SIN3B: variants seen among roughly 807,000 people sequenced by gnomAD.
SIN3B encodes the protein paired amphipathic helix protein Sin3b.
SIN3B carries 19 observed loss-of-function variants against 120.2 expected under a neutral mutation model. The observed-to-expected ratio is 0.16, with a 90% CI of 0.11 to 0.23. SIN3B has a LOEUF of 0.23. Among genes scored for constraint, SIN3B ranks in the 10% least tolerant of loss-of-function variants. The pLI is 1.00. For synonymous variants in SIN3B, 654 were observed against 653.2 expected (o/e 1.00, Z -0.02); for missense variants, 1,073 against 1,573.0 (o/e 0.68, Z 5.38).
chr19:16,833,631 C>CAA (rs762032276), intron 3 of SIN3B, among the ~76,000 whole-genome samples: 2 of 130,830 alleles, frequency 1.5e-5, no homozygotes, highest in Non-Finnish European at 1.6e-5. Context: ...GACTCCGTCT[C>CAA]AAAAAAAAAA....
At chr19:16,866,757 T>C (rs1971780138) in intron 12 of SIN3B, among the ~76,000 whole-genome samples, 1 of 152,156 alleles carries the variant, frequency 6.6e-6, no homozygotes, top group Admixed American at 6.5e-5. Context: ...TGCCATTGTC[T>C]ATCTGTTTGT....
In SIN3B at chr19:16,857,865, C is replaced by T. The variant is rs186081868; in HGVS notation, c.1058+3604C>T. 3.3e-4 allele frequency among the ~76,000 whole-genome samples: 50 copies of T among 152,130 alleles called. 1 individual carries two copies. The highest frequency in any genetic ancestry group is 6.8e-3 in the Middle Eastern group (2 of 294). On this transcript the variant is annotated intron_variant, in intron 8 of 18. Coordinates refer to ENST00000248054, the MANE Select transcript of SIN3B (RefSeq NM_001297595.2). The stretch of plus-strand genomic sequence containing the variant: ...TGCTTTGCTTTGCTTCTTTTCTCTT[C>T]TCTTTTCTTTTCTTTTCTTTTCTTT...
At chr19:16,871,628 A>C in intron 14 of SIN3B, 1 of 494,676 alleles carries the variant, frequency 2.0e-6, no homozygotes, top group Non-Finnish European at 3.6e-6. Context: ...CTAGTTCCAG[A>C]ACATTTCATC....
intron 4 of SIN3B, among the ~76,000 whole-genome samples, chr19:16,844,648 G>T (rs113997313): frequency 6.6e-6 from 1 of 152,332 alleles, no homozygotes; most frequent in African/African-American, 2.4e-5. Context: ...ATGGGAAACA[G>T]ACTCAGGGTA....
At chr19:16,875,668 TTGGTCTGGTC>T (rs200505405) in intron 14 of SIN3B, among the ~76,000 whole-genome samples, 5 of 146,872 alleles carry the variant, frequency 3.4e-5, no homozygotes, top group South Asian at 2.3e-4. Context: ...TCTGGTCTGT[TTGGTCTGGTC>T]TGGTCTGGTC....
rs66778532 is a variant in SIN3B at position 16,857,553 on chromosome 19, G to GTGTA, written c.1058+3293_1058+3294insGTAT. ...TGTGTGTGTGTGTGTGTGTGTGTGT[G>GTGTA]TATATATACACATAAACATTTTTCT... On this transcript the variant is annotated intron_variant, in intron 8 of 18. Transcript: ENST00000248054. Among the ~76,000 whole-genome samples, 1,384 of 139,508 alleles carry GTGTA rather than the reference G, an allele frequency of 9.9e-3. 10 individuals are homozygous for GTGTA. The highest frequency in any genetic ancestry group is 0.018 in the Middle Eastern group (5 of 276). The allele number at this position is 139,508 out of a possible 152,430, so 91.5% of individuals were successfully genotyped here.
chr19:16,869,852 C>T lies in SIN3B; in HGVS notation c.2199C>T (p.His733=). Reference sequence around the variant, plus strand: ...CACCCCTGCCGCCCCCAGCCCCGCACAAGCCCCTGGACGATGTCTACAGCC... The same window carrying T: ...CACCCCTGCCGCCCCCAGCCCCGCATAAGCCCCTGGACGATGTCTACAGCC... The part of the protein sequence containing the change: ...EQPPLPPPAP[H]KPLDDVYSLF... Residue 733 remains histidine, a synonymous_variant, in exon 13 of 19, where the codon CAC becomes CAT. Coordinates refer to ENST00000248054, the MANE Select transcript of SIN3B (RefSeq NM_001297595.2). 1 of 1,614,186 alleles carries T rather than the reference C, an allele frequency of 6.2e-7. No individual in the cohort carries two copies. Among genetic ancestry groups the T allele is most frequent in the Non-Finnish European group, 8.5e-7 (1 of 1,180,026 alleles).
At chr19:16,848,933 C>T (rs1453659700) in intron 5 of SIN3B, among the ~76,000 whole-genome samples, 1 of 152,214 alleles carries the variant, frequency 6.6e-6, no homozygotes, top group Non-Finnish European at 1.5e-5. Flanking sequence ...CCATTGTGCC[C>T]AGTCCATGGT....
chr19:16,873,848 G>A (rs1408012317), intron 14 of SIN3B, among the ~76,000 whole-genome samples: 1 of 152,256 alleles, frequency 6.6e-6, no homozygotes, highest in Non-Finnish European at 1.5e-5. Context: ...TCGAGGCCAT[G>A]TCTGGACTCT....
At chr19:16,858,325 T>C (rs1352014720) in intron 8 of SIN3B, among the ~76,000 whole-genome samples, 1 of 152,122 alleles carries the variant, frequency 6.6e-6, no homozygotes, top group Non-Finnish European at 1.5e-5. Context: ...GTTTGCTCAT[T>C]CATTTGGGGT....
Position 16,878,677 on chromosome 19 carries a change from C to G in SIN3B, c.3343C>G (p.Pro1115Ala). Reference protein sequence around the residue: ...LCETVHVHGLPVTRYRVQYSR... With the variant: ...LCETVHVHGLAVTRYRVQYSR... Reference sequence around the variant, plus strand: ...TGAGACAGTGCACGTGCACGGCCTGCCCGTGACCCGCTACCGCGTGCAGTA... The same window carrying G: ...TGAGACAGTGCACGTGCACGGCCTGGCCGTGACCCGCTACCGCGTGCAGTA... The change falls in exon 19 of 19, where the codon CCC becomes GCC. Residue 1115 changes from proline (P) to alanine (A), a missense_variant. Pro to Ala is a conservative substitution (Grantham distance 27, BLOSUM62 -1). Around this residue, in one of 7 missense-constraint regions of SIN3B, gnomAD observed 311 missense variants for 400.3 expected, o/e 0.78. Transcript: ENST00000248054. The G allele has an allele frequency of 6.2e-7, 1 of 1,612,484 alleles. No individual in the cohort carries two copies. The highest frequency in any genetic ancestry group is 8.5e-7 in the Non-Finnish European group (1 of 1,179,680).
intron 7 of SIN3B, among the ~76,000 whole-genome samples, 193 bp downstream of exon 7, chr19:16,853,351 C>T (rs1401586281): frequency 6.6e-6 from 1 of 152,230 alleles, no homozygotes; most frequent in African/African-American, 2.4e-5. Context: ...CAGGCATATA[C>T]TGTGGGCAGG....
intron 8 of SIN3B, chr19:16,855,094 C>T (rs1201714644): frequency 6.6e-6 from 1 of 152,184 alleles, no homozygotes; most frequent in African/African-American, 2.4e-5. Context: ...CTGACTCTCA[C>T]ACAACCCCCG....
intron 5 of SIN3B, 124 bp from the exon 6 acceptor site, chr19:16,851,288 G>T (rs1971541593): frequency 2.6e-6 from 3 of 1,140,928 alleles, no homozygotes; most frequent in African/African-American, 3.2e-5. Context: ...GGAGCATCTG[G>T]CCTGGTGCCC....
Position 16,879,846 on chromosome 19 carries a change from AG to A in SIN3B, c.*1120del, listed in dbSNP as rs1432624086. On this transcript the variant is annotated 3_prime_UTR_variant, in exon 19 of 19. Transcript: ENST00000248054. ...CCAGGCCTCTCTCCCCGACCATGAG[AG>A]CCCCTGGCCCTGGCCCCTGCACACC... The A allele has an allele frequency of 6.6e-6, 1 of 152,280 alleles. No homozygotes were observed. Among genetic ancestry groups the A allele is most frequent in the Non-Finnish European group, 1.5e-5 (1 of 68,106 alleles). 9.4% of individuals were successfully genotyped at this position (152,280 alleles called of 1,614,324 possible).
At chr19:16,875,832 T>C (rs71336797) in intron 14 of SIN3B, 8 of 577,054 alleles carry the variant, frequency 1.4e-5, no homozygotes, top group South Asian at 8.5e-5. Flanking sequence ...TCTGTTTGGT[T>C]TGGTCTGGTC....
Position 16,878,665 on chromosome 19 carries a change from G to C in SIN3B, c.3331G>C (p.Val1111Leu). 1 of 1,613,128 alleles carries C rather than the reference G, an allele frequency of 6.2e-7. No individual in the cohort carries two copies. Among genetic ancestry groups the C allele is most frequent in the South Asian group, 1.1e-5 (1 of 91,036 alleles). The change falls in exon 19 of 19, where the codon GTG becomes CTG. Residue 1111 changes from valine (V) to leucine (L), a missense_variant. This residue lies in a region of SIN3B where 311 missense variants were observed against 400.3 expected (regional missense o/e 0.78). Transcript: ENST00000248054. ...PCKTLCETVH[V>L]HGLPVTRYRV... ...CAAGACGCTGTGTGAGACAGTGCAC[G>C]TGCACGGCCTGCCCGTGACCCGCTA...
chr19:16,880,294 A>C lies in SIN3B; in HGVS notation c.*1567A>C, dbSNP rs1461646759. 3.9e-5 allele frequency: 6 copies of C among 152,160 alleles called. No homozygotes were observed. The highest frequency in any genetic ancestry group is 8.8e-5 in the Non-Finnish European group (6 of 68,054). The allele number at this position is 152,160 out of a possible 1,614,324, so 9.4% of individuals were successfully genotyped here. A position where few individuals can be genotyped will look rare whatever the true frequency, so the allele number is the denominator to read the frequency against. On this transcript the variant is annotated 3_prime_UTR_variant, in exon 19 of 19. Coordinates refer to ENST00000248054, the MANE Select transcript of SIN3B (RefSeq NM_001297595.2). ...TTGTCCTTCCTTTGCAGCTGTTTTG[A>C]ATGTAGTTTTCCTTTTCTATTTATT...
chr19:16,831,882 C>G (rs765488110), intron 3 of SIN3B, among the ~76,000 whole-genome samples: 9 of 152,188 alleles, frequency 5.9e-5, no homozygotes, highest in Non-Finnish European at 1.0e-4. Flanking sequence ...GAGTGGATGT[C>G]AGGGAGGTAT....
Sources: allele counts gnomAD v4.1 joint callset (sites outside exome capture counted in the v4.1 genomes callset), GRCh38; gene constraint gnomAD v4.1.1; regional missense constraint gnomAD v4.1.1; transcripts MANE v1.5; gene names NCBI Gene and HGNC (gene_info 2026-07-23, HGNC 2026-07-21).